The following MON2 variants were observed in gnomAD, a reference collection of about 807,000 sequenced individuals.
MON2 encodes the protein protein MON2 homolog.
MON2 carries 84 observed loss-of-function variants against 208.6 expected under a neutral mutation model. That is an observed-to-expected ratio of 0.40 (90% CI 0.34 to 0.48). MON2 has a LOEUF of 0.48. MON2 is among the 20% of genes least tolerant of loss of function. The pLI, the probability that MON2 is intolerant of heterozygous loss-of-function variation, is 0.59. For synonymous variants in MON2, 660 were observed against 694.0 expected (o/e 0.95, Z 0.77); for missense variants, 1,611 against 2,015.4 (o/e 0.80, Z 3.84).
rs994875011 is a variant in MON2, at chr12:62,566,350, C to T, written c.4223C>T (p.Pro1408Leu). The T allele has an allele frequency of 1.9e-6, 3 of 1,612,834 alleles. No individual in the cohort carries two copies. Among genetic ancestry groups the T allele is most frequent in the Non-Finnish European group, 2.5e-6 (3 of 1,179,462 alleles). ...PAEWVALNYV[P>L]FAERSLEVVV... Reference sequence around the variant, plus strand: ...GAATGGGTAGCCTTGAATTATGTGCCGTTTGCTGAAAGGTCTTTAGAAGTA... The same window carrying T: ...GAATGGGTAGCCTTGAATTATGTGCTGTTTGCTGAAAGGTCTTTAGAAGTA... The change falls in exon 29 of 35, where the codon CCG (proline) becomes CTG (leucine). Residue 1408 changes from proline (P) to leucine (L), a missense_variant. Coordinates refer to ENST00000393630, the MANE Select transcript of MON2 (RefSeq NM_015026.3).
intron 20 of MON2, chr12:62,544,665 A>C: frequency 1.0e-6 from 1 of 962,812 alleles, no homozygotes; most frequent in Non-Finnish European, 1.5e-6. Flanking sequence ...GTTTACCCTG[A>C]TATATAATTT....
At chr12:62,548,785 T>G (rs1218086624) in intron 22 of MON2, among the ~76,000 whole-genome samples, 1 of 152,332 alleles carries the variant, frequency 6.6e-6, no homozygotes, top group Non-Finnish European at 1.5e-5. Flanking sequence ...CTTATCATTT[T>G]CATTACTATT....
chr12:62,490,792 T>C (rs1414840299), intron 2 of MON2, among the ~76,000 whole-genome samples: 1 of 152,164 alleles, frequency 6.6e-6, no homozygotes, highest in South Asian at 2.1e-4. Context: ...AGATGAGAAA[T>C]AGATGTTTGA....
intron 12 of MON2, among the ~76,000 whole-genome samples, chr12:62,533,212 G>T (rs948283866): frequency 2.0e-5 from 3 of 152,080 alleles, no homozygotes; most frequent in African/African-American, 7.2e-5. Context: ...TTGCTGTGCT[G>T]TACTTACTGT....
Position 62,501,587 on chromosome 12 carries a change from G to A in MON2, c.678G>A (p.Leu226=). ...TATTTTCCCAGGATCTTTGTCAGTT[G>A]GTTAATGCTGATGCTCCTTATTGGC... The part of the protein sequence containing the change: ...AYMLFQDLCQ[L]VNADAPYWLV... Residue 226 remains leucine (L), a synonymous_variant, in exon 7 of 35, where the codon TTG becomes TTA. Coordinates refer to ENST00000393630, the MANE Select transcript of MON2 (RefSeq NM_015026.3). 1 of 1,613,986 alleles carries A rather than the reference G, an allele frequency of 6.2e-7. No individual in the cohort carries two copies. The highest frequency in any genetic ancestry group is 1.3e-5 in the African/African-American group (1 of 75,008).
intron 8 of MON2, among the ~76,000 whole-genome samples, chr12:62,514,964 A>G (rs1404919223): frequency 1.3e-5 from 2 of 152,236 alleles, no homozygotes; most frequent in African/African-American, 4.8e-5. Flanking sequence ...TGTTAAAAAC[A>G]CAACAGAACA....
At chr12:62,503,957 GAC>G (rs58700823) in intron 7 of MON2, among the ~76,000 whole-genome samples, 11 of 151,188 alleles carry the variant, frequency 7.3e-5, no homozygotes, top group African/African-American at 1.2e-4. Flanking sequence ...CCTCCTGCCT[GAC>G]ACACACACAC....
At chr12:62,534,726 A>G in intron 12 of MON2, 119 bp from the exon 13 acceptor site, 1 of 669,288 alleles carries the variant, frequency 1.5e-6, no homozygotes, top group South Asian at 1.8e-5. Flanking sequence ...AGATTTAATA[A>G]TTAAGTTGTT....
intron 8 of MON2, among the ~76,000 whole-genome samples, chr12:62,519,649 A>T (rs1028755426): frequency 6.6e-6 from 1 of 152,212 alleles, no homozygotes; most frequent in Non-Finnish European, 1.5e-5. Flanking sequence ...CTGGATTCTC[A>T]TATCTTTTGT....
In MON2 at chr12:62,534,921, T is replaced by C; in HGVS notation, c.1710T>C (p.Asp570=). 1 of 1,609,242 alleles carries C rather than the reference T, an allele frequency of 6.2e-7. No individual in the cohort carries two copies. The highest frequency in any genetic ancestry group is 8.5e-7 in the Non-Finnish European group (1 of 1,176,152). The part of the protein sequence containing the change: ...GLLAALSLLL[D]ASTDEAATEN... ...TTGCTGCACTCTCACTCCTTCTTGA[T>C]GCCAGGTATTAAGTCTTTGTAAGTT... The change falls in exon 13 of 35, where the codon GAT becomes GAC. Residue 570 remains aspartate, a synonymous_variant. Coordinates refer to ENST00000393630, the MANE Select transcript of MON2 (RefSeq NM_015026.3).
rs79603590 is a variant in MON2 at position 62,568,064 on chromosome 12, C to T, written c.4323+1614C>T. On this transcript the variant is annotated intron_variant, in intron 29 of 34. Transcript: ENST00000393630. ...TTGAGTTCCTCTGAAAGACAAAAAA[C>T]TAAGTCAACTGCTGAGGGGATTTGG... is the stretch of plus-strand genomic sequence containing the variant. 6.5e-3 allele frequency among the ~76,000 whole-genome samples: 989 copies of T among 152,248 alleles called. 8 individuals carry two copies. Among genetic ancestry groups the T allele is most frequent in the African/African-American group, 0.022 (900 of 41,544 alleles).
chr12:62,488,981 C>T (rs1299347335), intron 2 of MON2, among the ~76,000 whole-genome samples: 7 of 151,278 alleles, frequency 4.6e-5, no homozygotes, highest in African/African-American at 1.2e-4. Flanking sequence ...CACATGTATC[C>T]GAGAACTTAA....
chr12:62,470,285 AAAG>A, intron 1 of MON2, among the ~76,000 whole-genome samples: 1 of 152,292 alleles, frequency 6.6e-6, no homozygotes, highest in South Asian at 2.1e-4. Context: ...GAGTATTGAT[AAAG>A]AATAGTGCTT....
At chr12:62,548,835 T>A (rs1298896140) in intron 22 of MON2, among the ~76,000 whole-genome samples, 1 of 152,208 alleles carries the variant, frequency 6.6e-6, no homozygotes, top group Non-Finnish European at 1.5e-5. Context: ...AAATACTTCT[T>A]ATTATCTTTA....
chr12:62,545,099 C>G (rs930185456), intron 21 of MON2, 91 bp downstream of exon 21: 5 of 749,056 alleles, frequency 6.7e-6, no homozygotes, highest in Non-Finnish European at 1.0e-5. Flanking sequence ...AGATCATATT[C>G]TAAGAGTAGG....
intron 31 of MON2, among the ~76,000 whole-genome samples, chr12:62,579,141 G>A (rs2074904567): frequency 6.6e-6 from 1 of 151,900 alleles, no homozygotes; most frequent in East Asian, 1.9e-4. Flanking sequence ...TTTCTCGGGA[G>A]ACTGAAGTGA....
At chr12:62,549,029 CTG>C (rs898614160) in intron 22 of MON2, among the ~76,000 whole-genome samples, 2 of 152,000 alleles carry the variant, frequency 1.3e-5, no homozygotes, top group African/African-American at 4.8e-5. Flanking sequence ...AGAAAAATAA[CTG>C]TAGCAAACTT....
Position 62,553,404 on chromosome 12 carries a change from C to T in MON2, c.3210+230C>T, listed in dbSNP as rs555610022. 17 of 382,070 alleles carry T rather than the reference C, an allele frequency of 4.4e-5. No individual in the cohort carries two copies. In the Middle Eastern group the frequency reaches 2.9e-3, roughly 65 times the overall value. 23.7% of individuals were successfully genotyped at this position (382,070 alleles called of 1,614,324 possible). A position where few individuals can be genotyped will look rare whatever the true frequency, so the allele number is the denominator to read the frequency against. On this transcript the variant is annotated intron_variant, in intron 24 of 34. Transcript: ENST00000393630. ...CTTCATCTCTTATTATTATATCTCT[C>T]GTGATTTCTGCCTTTGCCTTTCTGT...
intron 31 of MON2, among the ~76,000 whole-genome samples, chr12:62,579,038 C>A (rs1210437940): frequency 6.6e-6 from 1 of 151,570 alleles, no homozygotes; most frequent in African/African-American, 2.4e-5. Flanking sequence ...GAGTTTGAGA[C>A]CAGCCTAGGC....
Sources: gnomAD v4.1 joint callset for allele counts (sites outside exome capture counted in the v4.1 genomes callset) on GRCh38, gnomAD v4.1.1 for gene constraint, MANE v1.5 for transcripts, NCBI Gene and HGNC (gene_info 2026-07-23, HGNC 2026-07-21) for gene names.